Variants in ADGRV1 observed in about 807,000 individuals in gnomAD.
The protein encoded by ADGRV1 is adhesion G protein-coupled receptor V1, also known as G-protein coupled receptor 98.
ADGRV1 carries 359 observed loss-of-function variants against 596.2 expected under a neutral mutation model. The ratio of observed to expected loss-of-function variants is 0.60; its 90% confidence interval spans 0.55 to 0.66. The LOEUF (loss-of-function observed/expected upper bound fraction) is 0.66. Ranked by LOEUF, ADGRV1 falls within the 30% of genes least tolerant of loss-of-function variation. ADGRV1 has a pLI of 0.00. For synonymous variants in ADGRV1, 2,681 were observed against 2,679.2 expected, an observed-to-expected ratio of 1.00 and a Z score of -0.02; for missense variants, 7,274 against 7,575.6, an observed-to-expected ratio of 0.96 and a Z score of 1.48.
intron 43 of ADGRV1, chr5:90,717,054 C>T (rs1415497091): frequency 6.3e-6 from 1 of 159,618 alleles, no homozygotes; most frequent in Non-Finnish European, 1.4e-5. Context: ...AAAGAAAACC[C>T]AAGCCAACTT....
chr5:90,984,255 C>G (rs1420139475), intron 84 of ADGRV1, among the ~76,000 whole-genome samples: 1 of 152,160 alleles, frequency 6.6e-6, no homozygotes, highest in Non-Finnish European at 1.5e-5. Context: ...TACTCACACT[C>G]TTTCTACCAT....
chr5:90,948,517 A>G (rs1776788328), intron 83 of ADGRV1, among the ~76,000 whole-genome samples: 1 of 152,124 alleles, frequency 6.6e-6, no homozygotes, highest in South Asian at 2.1e-4. Context: ...AACACATGGT[A>G]TCCTATGACC....
intron 70 of ADGRV1, among the ~76,000 whole-genome samples, chr5:90,798,138 T>A (rs1760956796): frequency 6.6e-6 from 1 of 152,162 alleles, no homozygotes; most frequent in Non-Finnish European, 1.5e-5. Context: ...ATCCAGTAGC[T>A]GATTTTTTGA....
intron 86 of ADGRV1, among the ~76,000 whole-genome samples, chr5:91,099,466 A>G (rs993228625): frequency 2.6e-5 from 4 of 152,184 alleles, no homozygotes; most frequent in African/African-American, 9.6e-5. Context: ...TGAGGAAGGA[A>G]TCCATGTGAG....
chr5:90,756,828 A>G (rs1755879922), intron 56 of ADGRV1, 151 bp from the exon 57 acceptor site: 2 of 752,616 alleles, frequency 2.7e-6, no homozygotes, highest in South Asian at 4.4e-5. Context: ...ATAAGAGTTC[A>G]GAAGACCTTT....
At chr5:91,147,176 TAA>T (rs57619661) in intron 87 of ADGRV1, among the ~76,000 whole-genome samples, 5,000 of 100,804 alleles carry the variant, frequency 0.05, 207 homozygotes, top group African/African-American at 0.13. Flanking sequence ...GACCTTGTCT[TAA>T]AAAAAAAAAA....
intron 1 of ADGRV1, among the ~76,000 whole-genome samples, chr5:90,578,222 C>G (rs979863989): frequency 3.3e-5 from 5 of 152,174 alleles, no homozygotes; most frequent in Non-Finnish European, 7.3e-5. Flanking sequence ...AGTTTTTGCC[C>G]ATTCAGTATG....
intron 85 of ADGRV1, among the ~76,000 whole-genome samples, chr5:91,008,952 C>T (rs778182622): frequency 3.0e-4 from 45 of 152,226 alleles, no homozygotes; most frequent in Non-Finnish European, 5.6e-4. Context: ...TCACAACAGA[C>T]ATTTTCAGAG....
rs1554177119 is a variant in ADGRV1, at chr5:90,960,147, A to AAC, written c.17857-5267_17857-5266insCA. ...GACCGAGACTCATCTCAAAAAAAAA[A>AAC]AAAAAACAAAAAACAGATCAGTGTA... is the stretch of plus-strand genomic sequence containing the variant. On this transcript the variant is annotated intron_variant, in intron 83 of 89. Transcript: ENST00000405460. Among the ~76,000 whole-genome samples, 16 of 146,140 alleles carry AAC rather than the reference A, an allele frequency of 1.1e-4. 1 individual carries two copies. The East Asian group carries it at 2.8e-3, about 25-fold the overall frequency.
At chr5:90,668,062 T>G (rs1254320926) in intron 21 of ADGRV1, among the ~76,000 whole-genome samples, 1 of 151,906 alleles carries the variant, frequency 6.6e-6, no homozygotes, top group East Asian at 1.9e-4. Context: ...GCTGTCTTTT[T>G]GTTTGTCTGT....
intron 84 of ADGRV1, among the ~76,000 whole-genome samples, chr5:90,983,250 AT>A (rs1270507480): frequency 6.6e-6 from 1 of 152,240 alleles, no homozygotes; most frequent in Non-Finnish European, 1.5e-5. Context: ...GCATGTATAA[AT>A]CTAACAATTA....
intron 10 of ADGRV1, among the ~76,000 whole-genome samples, chr5:90,636,676 A>G (rs1049790848): frequency 6.6e-6 from 1 of 152,108 alleles, no homozygotes; most frequent in African/African-American, 2.4e-5. Flanking sequence ...GATGATGCCC[A>G]CTCCCTCAAG....
intron 59 of ADGRV1, among the ~76,000 whole-genome samples, chr5:90,764,530 ACGACTGTCCCTAGG>A (rs1456484493): frequency 6.6e-6 from 1 of 152,184 alleles, no homozygotes; most frequent in Non-Finnish European, 1.5e-5. Flanking sequence ...CTCCCTCTCT[ACGACTGTCCCTAGG>A]CATTGGTGCT....
At chr5:90,945,798 G>A (rs1047695443) in intron 83 of ADGRV1, among the ~76,000 whole-genome samples, 6 of 152,166 alleles carry the variant, frequency 3.9e-5, no homozygotes, top group Non-Finnish European at 8.8e-5. Flanking sequence ...AGAGCATGGC[G>A]AAACCCTGTC....
In ADGRV1 at chr5:90,706,266, A is replaced by G. The variant is rs1322703788; in HGVS notation, c.8602A>G (p.Met2868Val). The change falls in exon 38 of 90, where the codon ATG becomes GTG. Residue 2868 changes from methionine to valine, a missense_variant. Met to Val is a conservative substitution (Grantham distance 21). Coordinates refer to ENST00000405460, the MANE Select transcript of ADGRV1 (RefSeq NM_032119.4). ...INVTYTTVPG[M>V]LSLKNQTVGN... ...TGTCACATATACCACGGTTCCTGGA[A>G]TGCTGAGTCTGAAGAACCAAACAGT... is the stretch of plus-strand genomic sequence containing the variant. 1.3e-5 allele frequency: 21 copies of G among 1,613,376 alleles called. No homozygotes were observed. Among genetic ancestry groups the G allele is most frequent in the South Asian group, 2.2e-5 (2 of 90,882 alleles).
chr5:91,019,003 C>T (rs1382601851), intron 85 of ADGRV1, among the ~76,000 whole-genome samples: 1 of 151,960 alleles, frequency 6.6e-6, no homozygotes, highest in Non-Finnish European at 1.5e-5. Flanking sequence ...AGGTTCTCAT[C>T]CTTTCAGCCT....
intron 78 of ADGRV1, among the ~76,000 whole-genome samples, chr5:90,846,107 C>G (rs1203238741): frequency 6.6e-6 from 1 of 152,212 alleles, no homozygotes; most frequent in Admixed American, 6.5e-5. Context: ...GATCCACTTT[C>G]ACGATGAGCT....
At chr5:90,637,613 A>G (rs1264619881) in intron 10 of ADGRV1, 112 bp from the exon 11 acceptor site, 4 of 645,388 alleles carry the variant, frequency 6.2e-6, no homozygotes, top group Non-Finnish European at 9.9e-6. Flanking sequence ...TCTATATAGA[A>G]TACATATGTT....
intron 21 of ADGRV1, among the ~76,000 whole-genome samples, chr5:90,660,875 G>A (rs1770175580): frequency 6.6e-6 from 1 of 152,140 alleles, no homozygotes; most frequent in Non-Finnish European, 1.5e-5. Flanking sequence ...GACATAGCCT[G>A]CTATTTGGCA....
Sources: gnomAD v4.1 joint callset for allele counts (sites outside exome capture counted in the v4.1 genomes callset) on GRCh38, gnomAD v4.1.1 for gene constraint, MANE v1.5 for transcripts, NCBI Gene and HGNC (gene_info 2026-07-23, HGNC 2026-07-21) for gene names.